The following GLMN variants were observed in gnomAD, a reference collection of about 807,000 sequenced individuals.
GLMN encodes the protein glomulin, FKBP associated protein.
Under a neutral mutation model 87.8 loss-of-function variants are expected in GLMN, and 75 were observed. That is an observed-to-expected ratio of 0.85 (90% CI 0.71 to 1.04). The LOEUF is 1.04. Among genes scored for constraint, GLMN ranks in the 50% least tolerant of loss-of-function variants. GLMN has a pLI of 0.00. For missense variants in GLMN, 588 were observed against 658.8 expected (o/e 0.89, Z 1.18); for synonymous variants, 206 against 221.6 (o/e 0.93, Z 0.63).
chr1:92,300,121 G>A, upstream of GLMN: 1 of 1,004,730 alleles, frequency 1.0e-6, no homozygotes, highest in Non-Finnish European at 1.5e-6. Context: ...AATCTTATGA[G>A]ACCGCTGTCT....
intron 14 of GLMN, 61 bp from the exon 15 acceptor site, chr1:92,263,793 A>G (rs1344146288): frequency 1.4e-5 from 12 of 830,054 alleles, no homozygotes; most frequent in Non-Finnish European, 2.4e-5. Flanking sequence ...GTGTTTTTCT[A>G]ATACCTTGAC....
At chr1:92,318,805 A>G in the GLMN span, among the ~76,000 whole-genome samples, 3 of 152,212 alleles carry the variant, frequency 2.0e-5, no homozygotes, top group South Asian at 2.1e-4. Context: ...AAAAATATCT[A>G]TGAGCAGTCT....
At chr1:92,320,300 G>A in the GLMN span, among the ~76,000 whole-genome samples, 2 of 151,974 alleles carry the variant, frequency 1.3e-5, no homozygotes, top group Non-Finnish European at 2.9e-5. Flanking sequence ...TTAAGATGGA[G>A]TCTCGCTCTG....
At chr1:92,323,485 A>T in the GLMN span, 3 of 1,612,792 alleles carry the variant, frequency 1.9e-6, no homozygotes, top group Non-Finnish European at 2.5e-6. Context: ...CAGTAAAGCC[A>T]TTAAAACATC....
intron 7 of GLMN, among the ~76,000 whole-genome samples, chr1:92,278,803 G>A (rs1647611102): frequency 6.6e-6 from 1 of 152,104 alleles, no homozygotes; most frequent in African/African-American, 2.4e-5. Flanking sequence ...ATAATTCTGT[G>A]TGATTTAAAT....
chr1:92,295,090 T>C (rs59278612), intron 3 of GLMN, among the ~76,000 whole-genome samples: 5,673 of 152,326 alleles, frequency 0.037, 274 homozygotes, highest in African/African-American at 0.11. Flanking sequence ...CATGTTTAAA[T>C]CTATCCCATT....
At chr1:92,270,885 T>G (rs1471334434) in intron 8 of GLMN, among the ~76,000 whole-genome samples, 2 of 152,140 alleles carry the variant, frequency 1.3e-5, no homozygotes, top group African/African-American at 4.8e-5. Context: ...AAGGTCTGTG[T>G]CACTGGAGCA....
intron 7 of GLMN, among the ~76,000 whole-genome samples, chr1:92,281,657 T>C (rs752341785): frequency 6.6e-6 from 1 of 152,162 alleles, no homozygotes; most frequent in Non-Finnish European, 1.5e-5. Context: ...ATGCTCCAAT[T>C]AAAAGACACA....
intron 3 of GLMN, among the ~76,000 whole-genome samples, chr1:92,293,080 C>A (rs1199067438): frequency 6.6e-6 from 1 of 151,718 alleles, no homozygotes; most frequent in East Asian, 1.9e-4. Context: ...AGATTAATAA[C>A]CAGAATAGAA....
chr1:92,294,931 G>A (rs974243492), intron 3 of GLMN, among the ~76,000 whole-genome samples: 30 of 152,106 alleles, frequency 2.0e-4, no homozygotes, highest in African/African-American at 6.8e-4. Context: ...CACCCGCCTC[G>A]GCCTCCCAAA....
the GLMN span, among the ~76,000 whole-genome samples, chr1:92,322,737 C>A: frequency 1.3e-5 from 2 of 151,150 alleles, no homozygotes; most frequent in African/African-American, 4.9e-5. Context: ...ATTAGCCAGG[C>A]GTGGTGGTGC....
the GLMN span, among the ~76,000 whole-genome samples, chr1:92,353,313 A>T: frequency 0.1 from 15,807 of 152,174 alleles, 2,374 homozygotes; most frequent in African/African-American, 0.34. Context: ...CCACTAGCAA[A>T]GTATGAGGGC....
At chr1:92,247,212 TTTCA>T (rs1334598529) in intron 17 of GLMN, 68 bp from the exon 18 acceptor site, 1 of 803,262 alleles carries the variant, frequency 1.2e-6, no homozygotes, top group Non-Finnish European at 2.2e-6. Context: ...TATAAGCTAC[TTTCA>T]TTCACTAACT....
chr1:92,351,347 T>G, the GLMN span, among the ~76,000 whole-genome samples: 2 of 150,586 alleles, frequency 1.3e-5, no homozygotes, highest in East Asian at 3.9e-4. Flanking sequence ...CATAATGAAT[T>G]GCATAAAATT....
intron 7 of GLMN, among the ~76,000 whole-genome samples, chr1:92,284,073 C>A (rs1361329852): frequency 6.6e-6 from 1 of 152,122 alleles, no homozygotes; most frequent in Non-Finnish European, 1.5e-5. Context: ...TCAATGCTAT[C>A]CCCATCAAGC....
At chr1:92,253,170 C>T (rs1031506949) in intron 16 of GLMN, among the ~76,000 whole-genome samples, 2 of 143,628 alleles carry the variant, frequency 1.4e-5, no homozygotes, top group Admixed American at 7.2e-5. Context: ...ACCTGCACCC[C>T]TGAATCTTAA....
chr1:92,299,545 C>T (rs10875349), upstream of GLMN, among the ~76,000 whole-genome samples: 71,840 of 151,796 alleles, frequency 0.47, 18,022 homozygotes, highest in East Asian at 0.96. Context: ...GCCGGACTCC[C>T]CTCTTCCCCC....
chr1:92,365,146 A>T, the GLMN span, among the ~76,000 whole-genome samples: 2 of 152,110 alleles, frequency 1.3e-5, no homozygotes, highest in African/African-American at 4.8e-5. Context: ...TTAACACCCC[A>T]CAGTCAGAAA....
the GLMN span, among the ~76,000 whole-genome samples, chr1:92,315,427 C>G: frequency 6.6e-6 from 1 of 152,274 alleles, no homozygotes; most frequent in African/African-American, 2.4e-5. Flanking sequence ...AACTGTGACA[C>G]AGAGAACACA....
Sources: allele counts gnomAD v4.1 joint callset (sites outside exome capture counted in the v4.1 genomes callset), GRCh38; gene constraint gnomAD v4.1.1; transcripts MANE v1.5; gene names NCBI Gene and HGNC (gene_info 2026-07-23, HGNC 2026-07-21).